The following CHN2 variants were observed in gnomAD, a reference collection of about 807,000 sequenced individuals.
CHN2 encodes chimerin 2.
In CHN2, 35 loss-of-function variants were observed where a neutral mutation model predicts 56.3. The ratio of observed to expected loss-of-function variants is 0.62; its 90% CI spans 0.47 to 0.82. The LOEUF is 0.82. Among genes scored for constraint, CHN2 ranks in the 40% least tolerant of loss-of-function variants. The pLI is 0.00. For missense variants in CHN2, 491 were observed against 580.5 expected, an observed-to-expected ratio of 0.85 and a Z score of 1.58; for synonymous variants, 210 against 212.8, an observed-to-expected ratio of 0.99 and a Z score of 0.12.
Position 29,507,276 on chromosome 7 carries a change from T to C in CHN2, c.1040T>C (p.Ile347Thr), listed in dbSNP as rs1280167014. 1.9e-6 allele frequency: 3 copies of C among 1,613,582 alleles called. No individual in the cohort carries two copies. Among genetic ancestry groups the C allele is most frequent in the Non-Finnish European group, 2.5e-6 (3 of 1,179,730 alleles). ...ISANVYPDIN[I>T]ITGALKLYFR... ...GCCAATGTCTATCCAGACATAAACA[T>C]CATCACTGGAGCCCTTAAACTGTAT... Residue 347 changes from isoleucine to threonine, a missense_variant, in exon 11 of 13, where the codon ATC becomes ACC. Physicochemically the swap from Ile to Thr is moderately conservative, Grantham distance 89. Transcript: ENST00000222792.
At chr7:29,355,135 A>C (rs910913997) in intron 2 of CHN2, among the ~76,000 whole-genome samples, 4 of 151,330 alleles carry the variant, frequency 2.6e-5, no homozygotes, top group Non-Finnish European at 5.9e-5. Context: ...TGCCCGGCTA[A>C]TTTTTTTGTA....
chr7:29,406,570 G>A (rs757249150), intron 6 of CHN2, among the ~76,000 whole-genome samples: 6 of 144,010 alleles, frequency 4.2e-5, no homozygotes, highest in African/African-American at 1.0e-4. Context: ...TCCCCTCCCC[G>A]CCCTGGCATG....
intron 6 of CHN2, among the ~76,000 whole-genome samples, chr7:29,445,545 C>A (rs960764899): frequency 3.3e-5 from 5 of 152,130 alleles, no homozygotes; most frequent in African/African-American, 1.2e-4. Context: ...CATAATAAAT[C>A]CTGCACTGTT....
At chr7:29,167,034 A>C (rs1441283154) in intron 2 of CHN2, among the ~76,000 whole-genome samples, 3 of 152,184 alleles carry the variant, frequency 2.0e-5, no homozygotes, top group Admixed American at 1.3e-4. Context: ...AAGTTAAAGA[A>C]TAATAACAAA....
At chr7:29,188,045 G>A (rs1584644359) in intron 2 of CHN2, among the ~76,000 whole-genome samples, 2 of 152,168 alleles carry the variant, frequency 1.3e-5, no homozygotes, top group East Asian at 3.8e-4. Context: ...TACTCGCATA[G>A]AGGTGATGTA....
At chr7:29,472,310 CATTAG>C in intron 6 of CHN2, among the ~76,000 whole-genome samples, 1 of 152,038 alleles carries the variant, frequency 6.6e-6, no homozygotes, top group Non-Finnish European at 1.5e-5. Flanking sequence ...CACACACACA[CATTAG>C]ACACAGAAAT....
At chr7:29,233,024 C>G (rs545363471) in intron 1 of CHN2, among the ~76,000 whole-genome samples, 1 of 152,084 alleles carries the variant, frequency 6.6e-6, no homozygotes, top group African/African-American at 2.4e-5. Context: ...CTTTTGTTTA[C>G]TTAATTAAAG....
At chr7:29,323,163 C>A (rs1042530081) in intron 1 of CHN2, among the ~76,000 whole-genome samples, 1 of 149,620 alleles carries the variant, frequency 6.7e-6, no homozygotes, top group East Asian at 2.0e-4. Flanking sequence ...CCCCCGTTCC[C>A]CCCCAACAAA....
At position 29,286,029 on chromosome 7, in the gene CHN2, A is replaced by G. The variant is rs577393349; in HGVS notation, c.50-68596A>G. Among the ~76,000 whole-genome samples, 33 of 152,276 alleles carry G rather than the reference A, an allele frequency of 2.2e-4. No individual in the cohort carries two copies. In the South Asian group the frequency reaches 6.6e-3, roughly 31 times the overall value. On this transcript the variant is annotated intron_variant, in intron 1 of 12. Coordinates refer to ENST00000222792, the MANE Select transcript of CHN2 (RefSeq NM_004067.4). ...ATGAACTATTTCCTGGCCGCCAAGT[A>G]CAGGCATTAAGTCCATTTCTCTGCC... is the stretch of plus-strand genomic sequence containing the variant.
At chr7:29,264,505 A>C (rs1442098896) in intron 1 of CHN2, among the ~76,000 whole-genome samples, 6 of 152,212 alleles carry the variant, frequency 3.9e-5, no homozygotes, top group African/African-American at 1.4e-4. Flanking sequence ...TTAATCTATG[A>C]CCTTACGCCC....
At chr7:29,237,119 T>C (rs1787259680) in intron 1 of CHN2, among the ~76,000 whole-genome samples, 1 of 152,190 alleles carries the variant, frequency 6.6e-6, no homozygotes, top group Non-Finnish European at 1.5e-5. Context: ...TGCCAACCAA[T>C]ACCTAAGCTC....
At chr7:29,413,026 G>C (rs2128098902) in intron 6 of CHN2, among the ~76,000 whole-genome samples, 1 of 152,256 alleles carries the variant, frequency 6.6e-6, no homozygotes, top group South Asian at 2.1e-4. Flanking sequence ...TCTGGACCAG[G>C]TTGCAGAACT....
At chr7:29,487,031 G>A (rs1050201493) in intron 7 of CHN2, among the ~76,000 whole-genome samples, 3 of 152,006 alleles carry the variant, frequency 2.0e-5, no homozygotes, top group Admixed American at 6.6e-5. Flanking sequence ...TCAGCCCTTC[G>A]TGTCATTCCC....
At chr7:29,261,061 C>T (rs1362378642) in intron 1 of CHN2, among the ~76,000 whole-genome samples, 1 of 152,020 alleles carries the variant, frequency 6.6e-6, no homozygotes, top group Non-Finnish European at 1.5e-5. Context: ...GATAATGATA[C>T]CCCCCCACCT....
chr7:29,157,363 A>G (rs1794536844), intron 2 of CHN2, among the ~76,000 whole-genome samples: 3 of 152,054 alleles, frequency 2.0e-5, no homozygotes, highest in Admixed American at 2.0e-4. Flanking sequence ...GGTTTAGGGC[A>G]CTACATAGCT....
At chr7:29,364,424 A>G (rs1391922704) in intron 2 of CHN2, among the ~76,000 whole-genome samples, 4 of 152,252 alleles carry the variant, frequency 2.6e-5, no homozygotes, top group African/African-American at 9.6e-5. Flanking sequence ...TCAACCATAT[A>G]TCACTGTTGG....
chr7:29,463,949 G>A (rs1018157118), intron 6 of CHN2, among the ~76,000 whole-genome samples: 8 of 152,122 alleles, frequency 5.3e-5, no homozygotes, highest in Admixed American at 3.9e-4. Context: ...TACTTTGACT[G>A]GCATTGCCCC....
chr7:29,440,489 G>A (rs147243959), intron 6 of CHN2, among the ~76,000 whole-genome samples: 41 of 151,940 alleles, frequency 2.7e-4, no homozygotes, highest in African/African-American at 9.2e-4. Flanking sequence ...TCAGGGGTTC[G>A]AGACAAGCCT....
At chr7:29,297,441 A>G (rs1793265299) in intron 1 of CHN2, among the ~76,000 whole-genome samples, 1 of 152,182 alleles carries the variant, frequency 6.6e-6, no homozygotes, top group South Asian at 2.1e-4. Context: ...AGCTCCCTCA[A>G]AGACCGATCT....
Sources: allele counts gnomAD v4.1 joint callset (sites outside exome capture counted in the v4.1 genomes callset), GRCh38; gene constraint gnomAD v4.1.1; transcripts MANE v1.5; gene names NCBI Gene and HGNC (gene_info 2026-07-23, HGNC 2026-07-21).